GAS2L1: variants seen among roughly 807,000 people sequenced by gnomAD.
The protein encoded by GAS2L1 is growth arrest specific 2 like 1.
In GAS2L1, 26 loss-of-function variants were observed where a neutral mutation model predicts 44.0. The observed-to-expected ratio is 0.59, with a 90% CI of 0.43 to 0.82. The LOEUF is 0.82. Among genes scored for constraint, GAS2L1 ranks in the 40% least tolerant of loss-of-function variants. GAS2L1 has a pLI of 0.00. For synonymous variants in GAS2L1, 426 were observed against 415.9 expected (o/e 1.02, Z -0.30); for missense variants, 1,006 against 983.0 (o/e 1.02, Z -0.31).
At chr22:29,311,920 G>A (rs913915089) in exon 5 of GAS2L1, 3 of 1,603,598 alleles carry the variant, frequency 1.9e-6, no homozygotes, top group Non-Finnish European at 8.5e-7. Flanking sequence ...CGGGTCTCCA[G>A]CCCCAGTCCA....
In GAS2L1 at chr22:29,308,060, G is replaced by A. The variant is rs771175741; in HGVS notation, c.-46G>A. ...TGAGCGCTTACTGGGTCCCCACAGC[G>A]ATCCTGAACTGTGTTCCTGCCCACA... On this transcript the variant is annotated 5_prime_UTR_variant, in exon 1 of 5. Transcript: ENST00000618518. The A allele has an allele frequency of 2.2e-5, 32 of 1,483,104 alleles. 1 individual carries two copies. The South Asian group carries it at 4.0e-4, about 19-fold the overall frequency. 91.9% of individuals were successfully genotyped at this position (1,483,104 alleles called of 1,614,324 possible).
chr22:29,312,765 A>G (rs527576020), exon 5 of GAS2L1: 23 of 363,710 alleles, frequency 6.3e-5, no homozygotes, highest in Admixed American at 1.3e-4. Flanking sequence ...AGAGCCTCTG[A>G]CAGTAAAGTT....
intron 4 of GAS2L1, 46 bp downstream of exon 5, chr22:29,311,044 G>C (rs777008077): frequency 2.6e-6 from 4 of 1,562,096 alleles, no homozygotes; most frequent in Non-Finnish European, 8.7e-7. Flanking sequence ...AGGGTGGGGG[G>C]GCGTCAGCCC....
chr22:29,312,317 G>T, exon 5 of GAS2L1: 1 of 1,607,526 alleles, frequency 6.2e-7, no homozygotes, highest in Non-Finnish European at 8.5e-7. Context: ...GGAGCCCCCT[G>T]GCTTGCACTG....
rs569207066 is a variant in GAS2L1 at position 29,311,247 on chromosome 22, G to A, written c.1011-215G>A. Reference sequence around the variant, plus strand: ...CCTCTGGCCCGTCCTGGGAAGGGGGGTGTCTAGAGCCCAGGAAACTTCTTC... The same window carrying A: ...CCTCTGGCCCGTCCTGGGAAGGGGGATGTCTAGAGCCCAGGAAACTTCTTC... On this transcript the variant is annotated intron_variant, in intron 4 of 4. Coordinates refer to ENST00000618518, the Ensembl canonical transcript of GAS2L1. The A allele has an allele frequency of 5.4e-4, 317 of 587,802 alleles. 1 individual carries two copies. The highest frequency in any genetic ancestry group is 4.9e-3 in the African/African-American group (262 of 53,554). The allele number at this position is 587,802 out of a possible 1,614,324, so 36.4% of individuals were successfully genotyped here.
At chr22:29,312,538 T>G (rs950838975) in exon 5 of GAS2L1, 5 of 1,415,708 alleles carry the variant, frequency 3.5e-6, no homozygotes, top group Non-Finnish European at 3.8e-6. Flanking sequence ...CCCTTCTCCT[T>G]TTCCTTTGTG....
chr22:29,309,074 C>T (rs559341355), intron 1 of GAS2L1, among the ~76,000 whole-genome samples: 3 of 152,360 alleles, frequency 2.0e-5, no homozygotes, highest in South Asian at 4.1e-4. Context: ...GGGGCGCCTC[C>T]TCTGTGCCCT....
intron 4 of GAS2L1, 72 bp downstream of exon 5, chr22:29,311,070 G>GT (rs2061400209): frequency 1.4e-6 from 2 of 1,413,362 alleles, no homozygotes; most frequent in African/African-American, 2.8e-5. Context: ...TGCATGATGG[G>GT]TTGCCTGTGC....
chr22:29,308,448 G>A (rs1459556971), exon 1 of GAS2L1: 2 of 1,606,090 alleles, frequency 1.2e-6, no homozygotes, highest in Non-Finnish European at 1.7e-6. Context: ...CGTGGAGCTG[G>A]GTGTGCCGGA....
chr22:29,309,831 G>A (rs939633048), intron 1 of GAS2L1, among the ~76,000 whole-genome samples: 6 of 152,200 alleles, frequency 3.9e-5, no homozygotes, highest in Non-Finnish European at 7.3e-5. Context: ...GAGTGAGGAC[G>A]GGCTCTGGGC....
chr22:29,312,312 C>T (rs760314673), exon 5 of GAS2L1: 2 of 1,608,044 alleles, frequency 1.2e-6, no homozygotes, highest in Admixed American at 3.3e-5. Context: ...ACCTGGGAGC[C>T]CCCTGGCTTG....
At chr22:29,311,186 C>T (rs938499222) in intron 4 of GAS2L1, 188 bp downstream of exon 5, 6 of 617,368 alleles carry the variant, frequency 9.7e-6, no homozygotes, top group Non-Finnish European at 1.4e-5. Flanking sequence ...TGGGGCGGGC[C>T]CTGTGGCTGG....
exon 5 of GAS2L1, chr22:29,311,679 G>A (rs1246417485): frequency 6.6e-6 from 10 of 1,519,896 alleles, no homozygotes; most frequent in Middle Eastern, 2.0e-4. Context: ...AGACCGGCTG[G>A]ATCGCGGCCG....
chr22:29,311,884 G>T (rs764937314), exon 5 of GAS2L1: 6 of 1,598,740 alleles, frequency 3.8e-6, no homozygotes, highest in African/African-American at 1.3e-5. Flanking sequence ...CCCCGTGCCC[G>T]CAGCCCTGCA....
At position 29,312,111 on chromosome 22, in the gene GAS2L1, C is replaced by CCA; in HGVS notation, c.1661_1662dup (p.Ala555GlnfsTer62). 6.2e-7 allele frequency: 1 copy of CCA among 1,612,904 alleles called. No individual in the cohort carries two copies. The highest frequency in any genetic ancestry group is 8.5e-7 in the Non-Finnish European group (1 of 1,179,742). ...TGACCCAGCTCGGGCCCCCGACCCT[C>CCA]CAGCTCCTGACTCTGCCTATTGTTC... On this transcript the variant is annotated frameshift_variant, in exon 5 of 5. Transcript: ENST00000618518. LOFTEE classifies it high-confidence loss of function.
chr22:29,308,546 G>A, exon 1 of GAS2L1: 1 of 1,599,752 alleles, frequency 6.3e-7, no homozygotes, highest in Non-Finnish European at 8.5e-7. Flanking sequence ...CGCGGCGTGG[G>A]GCACGCCTGG....
exon 1 of GAS2L1, chr22:29,308,533 T>A: frequency 6.2e-7 from 1 of 1,602,916 alleles, no homozygotes; most frequent in Non-Finnish European, 8.5e-7. Flanking sequence ...CTGCTGGAGG[T>A]GGCGCGGCGT....
exon 5 of GAS2L1, chr22:29,311,599 C>A (rs1239245128): frequency 1.8e-5 from 28 of 1,539,732 alleles, no homozygotes; most frequent in Non-Finnish European, 2.4e-5. Flanking sequence ...AGGGAGCGAC[C>A]CAGCCGGCGG....
chr22:29,309,664 G>A (rs1008563780), intron 1 of GAS2L1, among the ~76,000 whole-genome samples: 4 of 152,204 alleles, frequency 2.6e-5, no homozygotes, highest in African/African-American at 4.8e-5. Context: ...GTGCTCACCC[G>A]GCCAGTGGTC....
Sources: allele counts gnomAD v4.1 joint callset (sites outside exome capture counted in the v4.1 genomes callset), GRCh38; gene constraint gnomAD v4.1.1; transcripts MANE v1.5; gene names NCBI Gene and HGNC (gene_info 2026-07-23, HGNC 2026-07-21).